The following BAIAP2L1 variants were observed in gnomAD, a reference collection of about 807,000 sequenced individuals.
The protein encoded by BAIAP2L1 is BAR/IMD domain-containing adapter protein 2-like 1.
Under a neutral mutation model 66.3 loss-of-function variants are expected in BAIAP2L1, and 35 were observed. The observed-to-expected ratio is 0.53, with a 90% CI of 0.40 to 0.70. The LOEUF (loss-of-function observed/expected upper bound fraction) is 0.70, where lower values mean the gene tolerates loss of function less well. BAIAP2L1 is among the 30% of genes least tolerant of loss of function. BAIAP2L1 has a pLI of 0.00. For synonymous variants in BAIAP2L1, 269 were observed against 248.7 expected, an observed-to-expected ratio of 1.08 and a Z score of -0.77; for missense variants, 622 against 656.9, an observed-to-expected ratio of 0.95 and a Z score of 0.58.
At chr7:98,372,180 C>T (rs536048879) in intron 1 of BAIAP2L1, among the ~76,000 whole-genome samples, 1 of 152,026 alleles carries the variant, frequency 6.6e-6, no homozygotes, top group East Asian at 2.0e-4. Flanking sequence ...GCAAGGCGGT[C>T]GGATCACCTG....
intron 3 of BAIAP2L1, among the ~76,000 whole-genome samples, chr7:98,332,331 C>T (rs908228770): frequency 5.3e-5 from 7 of 131,316 alleles, no homozygotes; most frequent in African/African-American, 8.8e-5. Flanking sequence ...TGCAGTGACC[C>T]GAGATCGCTC....
intron 6 of BAIAP2L1, among the ~76,000 whole-genome samples, chr7:98,316,750 A>G (rs925394568): frequency 1.3e-5 from 2 of 152,116 alleles, no homozygotes. Flanking sequence ...GTTTGGACCC[A>G]TTAACCAACC....
chr7:98,300,909 C>T (rs572034050), intron 12 of BAIAP2L1, among the ~76,000 whole-genome samples: 11 of 152,286 alleles, frequency 7.2e-5, no homozygotes, highest in South Asian at 2.1e-4. Flanking sequence ...AGCCTGGCTC[C>T]GACGCTTTCC....
At chr7:98,362,515 G>T in intron 1 of BAIAP2L1, 83 bp from the exon 2 acceptor site, 1 of 1,077,648 alleles carries the variant, frequency 9.3e-7, no homozygotes, top group Non-Finnish European at 1.4e-6. Flanking sequence ...TGTGGCCCAG[G>T]ATAGCTATGG....
At chr7:98,365,415 GA>G (rs1252452457) in intron 1 of BAIAP2L1, among the ~76,000 whole-genome samples, 1 of 152,036 alleles carries the variant, frequency 6.6e-6, no homozygotes. Context: ...TCTATTTTTT[GA>G]ATTTGATATA....
chr7:98,356,667 A>T (rs1201461839), intron 2 of BAIAP2L1, among the ~76,000 whole-genome samples: 3 of 5,172 alleles, frequency 5.8e-4, no homozygotes, highest in East Asian at 0.013. Context: ...TGGCTAATTA[A>T]AAAAAAAAAA....
intron 1 of BAIAP2L1, chr7:98,399,955 G>A (rs1473141272): frequency 1.3e-5 from 2 of 151,966 alleles, no homozygotes; most frequent in Non-Finnish European, 2.9e-5. Flanking sequence ...GGCGTTTCCC[G>A]GGAGAACGCC....
Position 98,292,689 on chromosome 7 carries a change from G to A in BAIAP2L1, c.*832C>T. The A allele has an allele frequency of 1.4e-5, 22 of 1,551,614 alleles. No individual in the cohort carries two copies. The highest frequency in any genetic ancestry group is 1.9e-5 in the Non-Finnish European group (22 of 1,146,982). On this transcript the variant is annotated 3_prime_UTR_variant, in exon 14 of 14. Transcript: ENST00000005260. ...ACGTATCCTTTGAGAGTCTGTACCT[G>A]ATTCAAACACGGAGAAACCAGGACC...
chr7:98,318,109 C>T (rs1003955701), intron 5 of BAIAP2L1, among the ~76,000 whole-genome samples: 1 of 152,194 alleles, frequency 6.6e-6, no homozygotes, highest in Non-Finnish European at 1.5e-5. Flanking sequence ...CTGGTTAGAG[C>T]CCTCACCCCT....
rs76080219 is a variant in BAIAP2L1 at position 98,312,708 on chromosome 7, G to A, written c.640-444C>T. On this transcript the variant is annotated intron_variant, in intron 7 of 13. Coordinates refer to ENST00000005260, the MANE Select transcript of BAIAP2L1 (RefSeq NM_018842.5). ...TTGACTCTGACCGATTCAGACATTA[G>A]AGAAGTGAATCAGACACTGTCCTGA... Among the ~76,000 whole-genome samples, 970 of 152,242 alleles carry A rather than the reference G, an allele frequency of 6.4e-3. 7 individuals carry two copies. Among genetic ancestry groups the A allele is most frequent in the African/African-American group, 0.022 (921 of 41,538 alleles).
intron 3 of BAIAP2L1, among the ~76,000 whole-genome samples, chr7:98,351,569 T>C (rs1443927401): frequency 6.6e-6 from 1 of 151,646 alleles, no homozygotes; most frequent in Non-Finnish European, 1.5e-5. Context: ...TTGGAGACAA[T>C]GGGGAGAGAG....
chr7:98,394,728 G>GTC (rs1270084743), intron 1 of BAIAP2L1, among the ~76,000 whole-genome samples: 1 of 152,286 alleles, frequency 6.6e-6, no homozygotes, highest in East Asian at 1.9e-4. Flanking sequence ...CTGCTCCTGT[G>GTC]TCTCTATCCA....
intron 1 of BAIAP2L1, among the ~76,000 whole-genome samples, chr7:98,396,370 CATTTT>C (rs1803209466): frequency 6.6e-6 from 1 of 152,112 alleles, no homozygotes; most frequent in South Asian, 2.1e-4. Context: ...CTCCTAGCCT[CATTTT>C]ATTAAGAGAG....
At chr7:98,367,820 CG>C (rs1802420793) in intron 1 of BAIAP2L1, among the ~76,000 whole-genome samples, 1 of 151,902 alleles carries the variant, frequency 6.6e-6, no homozygotes, top group South Asian at 2.1e-4. Flanking sequence ...GATGGGGTTT[CG>C]CCATGTTGGT....
At chr7:98,321,449 C>G (rs1033644967) in intron 3 of BAIAP2L1, among the ~76,000 whole-genome samples, 2 of 152,164 alleles carry the variant, frequency 1.3e-5, no homozygotes, top group Admixed American at 6.5e-5. Flanking sequence ...GCTGGGAATA[C>G]ACCAGCCCCT....
rs369077499 is a variant in BAIAP2L1 at position 98,312,175 on chromosome 7, G to C, written c.729C>G (p.Ile243Met). The change falls in exon 8 of 14, where the codon ATC (isoleucine) becomes ATG (methionine). Residue 243 changes from isoleucine (I) to methionine (M), a missense_variant. Coordinates refer to ENST00000005260, the MANE Select transcript of BAIAP2L1 (RefSeq NM_018842.5). The stretch of plus-strand genomic sequence containing the variant: ...TAGAGGCTGGGGTCTTTATTTCTTC[G>C]ATCATATTCATGATTTTCTCTGGCA... ...IKVPEKIMNM[I>M]EEIKTPASTP... The C allele has an allele frequency of 1.2e-6, 2 of 1,613,978 alleles. No individual in the cohort carries two copies. The highest frequency in any genetic ancestry group is 2.2e-5 in the East Asian group (1 of 44,870).
intron 3 of BAIAP2L1, among the ~76,000 whole-genome samples, chr7:98,324,022 G>GA (rs146612912): frequency 2.4e-4 from 35 of 148,618 alleles, no homozygotes; most frequent in South Asian, 4.3e-4. Flanking sequence ...TGAAAAGGGG[G>GA]AAAAAAAAAA....
chr7:98,335,755 C>T (rs1022416069), intron 3 of BAIAP2L1, among the ~76,000 whole-genome samples: 3 of 152,208 alleles, frequency 2.0e-5, no homozygotes, highest in Non-Finnish European at 2.9e-5. Flanking sequence ...GACTCCTCTC[C>T]GGCAGATGCC....
intron 3 of BAIAP2L1, among the ~76,000 whole-genome samples, chr7:98,335,943 G>A (rs1252401573): frequency 1.3e-5 from 2 of 152,242 alleles, no homozygotes; most frequent in Non-Finnish European, 1.5e-5. Context: ...CTGAAGGAAT[G>A]ATAGACAGGG....
Sources: gnomAD v4.1 joint callset for allele counts (sites outside exome capture counted in the v4.1 genomes callset) on GRCh38, gnomAD v4.1.1 for gene constraint, MANE v1.5 for transcripts, NCBI Gene and HGNC (gene_info 2026-07-23, HGNC 2026-07-21) for gene names.